Variants in FBXO21 observed in about 807,000 individuals in gnomAD.
The protein encoded by FBXO21 is F-box only protein 21.
A neutral mutation model predicts 76.6 loss-of-function variants in FBXO21; 32 were observed. The observed-to-expected ratio is 0.42, with a 90% confidence interval of 0.32 to 0.56. The LOEUF is 0.56. Ranked by LOEUF, FBXO21 falls within the 20% of genes least tolerant of loss-of-function variation. The pLI, the probability that FBXO21 is intolerant of heterozygous loss-of-function variation, is 0.16. For synonymous variants in FBXO21, 328 were observed against 311.5 expected, an observed-to-expected ratio of 1.05 and a Z score of -0.56; for missense variants, 586 against 797.3, an observed-to-expected ratio of 0.73 and a Z score of 3.19.
Position 117,168,595 on chromosome 12 carries a change from G to A in FBXO21, c.1014-1518C>T, listed in dbSNP as rs566154249. The stretch of plus-strand genomic sequence containing the variant: ...AAAAAAAAATAAGAATTACATAAAT[G>A]TTCTAGAAACAAGGCACTCTTAAAC... On this transcript the variant is annotated intron_variant, in intron 7 of 11. Transcript: ENST00000622495. Among the ~76,000 whole-genome samples, 22 of 152,106 alleles carry A rather than the reference G, an allele frequency of 1.4e-4. No homozygotes were observed. The South Asian group carries it at 4.4e-3, about 30-fold the overall frequency.
intron 1 of FBXO21, among the ~76,000 whole-genome samples, chr12:117,189,978 C>A (rs972152907): frequency 6.6e-5 from 10 of 152,274 alleles, no homozygotes; most frequent in Non-Finnish European, 1.3e-4. Flanking sequence ...CCAGCGTCAC[C>A]CTTGACGGAG....
intron 10 of FBXO21, among the ~76,000 whole-genome samples, chr12:117,156,496 A>G (rs1227575027): frequency 6.6e-6 from 1 of 152,220 alleles, no homozygotes; most frequent in East Asian, 1.9e-4. Context: ...AGATGTGATA[A>G]TAAGATGTTA....
chr12:117,172,701 G>A, intron 6 of FBXO21, 94 bp from the exon 7 acceptor site: 1 of 1,303,498 alleles, frequency 7.7e-7, no homozygotes, highest in Non-Finnish European at 1.1e-6. Context: ...TTGTGCATTG[G>A]GCATGATGCT....
At chr12:117,171,876 T>A (rs1457100542) in intron 7 of FBXO21, among the ~76,000 whole-genome samples, 1 of 152,246 alleles carries the variant, frequency 6.6e-6, no homozygotes, top group Non-Finnish European at 1.5e-5. Flanking sequence ...AATGAGCTTT[T>A]TGCCCTACAG....
chr12:117,157,396 G>A (rs1398332891), intron 10 of FBXO21, among the ~76,000 whole-genome samples: 2 of 152,286 alleles, frequency 1.3e-5, no homozygotes, highest in Non-Finnish European at 1.5e-5. Flanking sequence ...AGCACCAGGC[G>A]AGAATAGGAA....
Position 117,155,965 on chromosome 12 carries a change from G to C in FBXO21, c.1518-17C>G. 1.2e-6 allele frequency: 2 copies of C among 1,612,708 alleles called. No individual in the cohort carries two copies. Among genetic ancestry groups the C allele is most frequent in the East Asian group, 2.2e-5 (1 of 44,854 alleles). ...TAGCCATACCTAGTTAACACAGGAG[G>C]AGCAGTCAGTCCCTGCAGACCCGGC... On this transcript the variant is annotated splice_polypyrimidine_tract_variant and intron_variant, in intron 10 of 11. Transcript: ENST00000622495.
intron 3 of FBXO21, among the ~76,000 whole-genome samples, chr12:117,184,732 G>A (rs570085810): frequency 1.3e-5 from 2 of 152,110 alleles, no homozygotes; most frequent in Non-Finnish European, 1.5e-5. Flanking sequence ...GGCTACAAGA[G>A]CGAAATTCCA....
At chr12:117,167,745 CAA>C (rs113871818) in intron 7 of FBXO21, among the ~76,000 whole-genome samples, 25,089 of 134,326 alleles carry the variant, frequency 0.19, 2,526 homozygotes, top group Middle Eastern at 0.35. Context: ...GACTCTGTCT[CAA>C]AAAAAAAAAA....
chr12:117,166,841 T>G (rs1352059747), intron 8 of FBXO21, 57 bp downstream of exon 8: 4 of 1,491,108 alleles, frequency 2.7e-6, no homozygotes, highest in Non-Finnish European at 3.7e-6. Flanking sequence ...CAAACACAAT[T>G]CAAGCCTCTA....
rs1239081061 is a variant in FBXO21, at chr12:117,165,735, G to T, written c.1194-118C>A. On this transcript the variant is annotated intron_variant, in intron 8 of 11. Transcript: ENST00000622495. ...CAAATCCCAAACGTTTTCTGATTCT[G>T]GTATTTCTTCTCAGCTCAACGAAGA... 5.0e-6 allele frequency: 5 copies of T among 1,002,050 alleles called. No homozygotes were observed. The African/African-American group carries it at 6.4e-5, about 13-fold the overall frequency. The allele number at this position is 1,002,050 out of a possible 1,614,324, so 62.1% of individuals were successfully genotyped here. A position where few individuals can be genotyped will look rare whatever the true frequency, so the allele number is the denominator to read the frequency against.
At chr12:117,147,575 G>GC (rs968839208) in intron 11 of FBXO21, among the ~76,000 whole-genome samples, 1 of 136,654 alleles carries the variant, frequency 7.3e-6, no homozygotes, top group Non-Finnish European at 1.5e-5. Flanking sequence ...TCCAGCCTGG[G>GC]CAGCAGAGCA....
intron 11 of FBXO21, among the ~76,000 whole-genome samples, chr12:117,148,545 A>T (rs1361273912): frequency 6.6e-6 from 1 of 152,238 alleles, no homozygotes; most frequent in Non-Finnish European, 1.5e-5. Flanking sequence ...TTGCTCCATG[A>T]CGTGGCACAG....
intron 9 of FBXO21, among the ~76,000 whole-genome samples, chr12:117,159,415 T>A (rs1398832900): frequency 1.3e-5 from 2 of 152,140 alleles, no homozygotes; most frequent in African/African-American, 4.8e-5. Context: ...GGAGTGAGGC[T>A]GTGGCTCTGG....
rs1353758498 is a variant in FBXO21, at chr12:117,181,615, A to AG, written c.471-3975_471-3974insC. ...TCTGAGACAGTCTATCTATCTATCT[A>AG]TCTATCTATCTATCTATCTATCTAT... On this transcript the variant is annotated intron_variant, in intron 3 of 11. Coordinates refer to ENST00000622495, the MANE Select transcript of FBXO21 (RefSeq NM_015002.3). 4.1e-3 allele frequency among the ~76,000 whole-genome samples: 629 copies of AG among 151,614 alleles called. 5 individuals carry two copies. Among genetic ancestry groups the AG allele is most frequent in the African/African-American group, 0.014 (584 of 41,256 alleles).
intron 7 of FBXO21, among the ~76,000 whole-genome samples, chr12:117,167,900 G>C (rs1956073616): frequency 6.6e-6 from 1 of 152,210 alleles, no homozygotes; most frequent in South Asian, 2.1e-4. Context: ...CCCTGGCCTT[G>C]ATCACACAGC....
chr12:117,187,708 CAG>C (rs1462625637), intron 2 of FBXO21, among the ~76,000 whole-genome samples: 1 of 152,212 alleles, frequency 6.6e-6, no homozygotes, highest in African/African-American at 2.4e-5. Context: ...CACAGAGGCA[CAG>C]ACTGTTCAAA....
At chr12:117,149,759 T>C (rs547952122) in intron 11 of FBXO21, among the ~76,000 whole-genome samples, 1 of 152,354 alleles carries the variant, frequency 6.6e-6, no homozygotes, top group East Asian at 1.9e-4. Context: ...TTTTCCTTTC[T>C]ATGTATTATC....
chr12:117,188,973 G>C lies in FBXO21; in HGVS notation c.375+254C>G, dbSNP rs143573251. On this transcript the variant is annotated intron_variant, in intron 2 of 11. Transcript: ENST00000622495. ...CTGGACTCCGTCTACATTGTGCTGC[G>C]TGGGTCCCTCCCTGCTCCCTCCACC... is the stretch of plus-strand genomic sequence containing the variant. The C allele has an allele frequency of 1.2e-5, 6 of 502,002 alleles. No individual in the cohort carries two copies. The East Asian group carries it at 2.1e-4, about 17-fold the overall frequency. The allele number at this position is 502,002 out of a possible 1,614,324, so 31.1% of individuals were successfully genotyped here. A position where few individuals can be genotyped will look rare whatever the true frequency, so the allele number is the denominator to read the frequency against.
intron 2 of FBXO21, among the ~76,000 whole-genome samples, chr12:117,187,590 T>C (rs532376486): frequency 8.5e-5 from 13 of 152,260 alleles, no homozygotes; most frequent in African/African-American, 3.1e-4. Context: ...CACAGATTAA[T>C]GTTAAGTATG....
Sources: gnomAD v4.1 joint callset for allele counts (sites outside exome capture counted in the v4.1 genomes callset) on GRCh38, gnomAD v4.1.1 for gene constraint, MANE v1.5 for transcripts, NCBI Gene and HGNC (gene_info 2026-07-23, HGNC 2026-07-21) for gene names.